Variants in CSMD1 observed in about 807,000 individuals in gnomAD.
CSMD1 encodes CUB and Sushi multiple domains 1, also known as CUB and sushi domain-containing protein 1.
A neutral mutation model predicts 417.5 loss-of-function variants in CSMD1; 213 were observed. That is an observed-to-expected ratio of 0.51 (90% CI 0.46 to 0.57). The LOEUF (loss-of-function observed/expected upper bound fraction) is 0.57, where lower values mean the gene tolerates loss of function less well. Among genes scored for constraint, CSMD1 ranks in the 20% least tolerant of loss-of-function variants. The pLI is 0.00. For missense variants in CSMD1, 6,923 were observed against 4,529.7 expected (o/e 1.53, Z -15.17); for synonymous variants, 2,862 against 1,736.8 (o/e 1.65, Z -16.11).
chr8:3,647,980 G>C (rs765839169), intron 7 of CSMD1, among the ~76,000 whole-genome samples: 4 of 152,234 alleles, frequency 2.6e-5, no homozygotes, highest in Admixed American at 1.3e-4. Context: ...GTAAACAGCA[G>C]GATTTTTCGA....
At chr8:4,734,445 G>A (rs1212981000) in intron 1 of CSMD1, among the ~76,000 whole-genome samples, 3 of 152,006 alleles carry the variant, frequency 2.0e-5, no homozygotes, top group African/African-American at 7.2e-5. Context: ...AAGTTGAATA[G>A]GAATTCTGTG....
chr8:3,106,834 A>G (rs141498848), intron 45 of CSMD1, 193 bp from the exon 46 acceptor site: 7 of 463,852 alleles, frequency 1.5e-5, no homozygotes, highest in African/African-American at 1.4e-4. Flanking sequence ...TGCTCTATTA[A>G]GCTTAGCCGA....
At chr8:3,287,792 A>G (rs531785465) in intron 25 of CSMD1, among the ~76,000 whole-genome samples, 2 of 151,944 alleles carry the variant, frequency 1.3e-5, no homozygotes, top group Admixed American at 1.3e-4. Context: ...AATACTCTTT[A>G]TTTCCTCCAG....
chr8:4,752,396 T>C (rs986395142), intron 1 of CSMD1, among the ~76,000 whole-genome samples: 3 of 152,198 alleles, frequency 2.0e-5, no homozygotes, highest in African/African-American at 7.2e-5. Flanking sequence ...TGAATTTCTG[T>C]AAGGTCATAG....
chr8:3,186,643 G>T (rs1048074574), intron 36 of CSMD1, among the ~76,000 whole-genome samples: 1 of 152,074 alleles, frequency 6.6e-6, no homozygotes, highest in Non-Finnish European at 1.5e-5. Context: ...AGTAAAAGTA[G>T]AACGGAAATA....
chr8:4,076,808 C>G (rs1433655189), intron 3 of CSMD1, among the ~76,000 whole-genome samples: 2 of 152,166 alleles, frequency 1.3e-5, no homozygotes, highest in East Asian at 3.9e-4. Flanking sequence ...CACCATCACG[C>G]AAGGCCAGCC....
At chr8:4,164,398 G>A (rs185411482) in intron 3 of CSMD1, among the ~76,000 whole-genome samples, 1 of 152,114 alleles carries the variant, frequency 6.6e-6, no homozygotes, top group African/African-American at 2.4e-5. Context: ...ACACATTCAG[G>A]TAAGTGATGC....
intron 7 of CSMD1, among the ~76,000 whole-genome samples, chr8:3,661,794 G>T (rs1798432990): frequency 6.6e-6 from 1 of 152,110 alleles, no homozygotes. Context: ...ACCATGACCG[G>T]CAAACTCCTT....
At chr8:3,640,751 C>T (rs905273083) in intron 7 of CSMD1, among the ~76,000 whole-genome samples, 3 of 152,124 alleles carry the variant, frequency 2.0e-5, no homozygotes, top group African/African-American at 7.2e-5. Context: ...ATTCATTGTA[C>T]AGGAAGTGAG....
At chr8:4,887,075 A>C (rs1803795265) in intron 1 of CSMD1, among the ~76,000 whole-genome samples, 1 of 151,978 alleles carries the variant, frequency 6.6e-6, no homozygotes, top group Admixed American at 6.6e-5. Flanking sequence ...TAGGATATTA[A>C]TTGGAGATTT....
chr8:3,606,192 G>T (rs901960756), intron 8 of CSMD1, among the ~76,000 whole-genome samples: 2 of 152,158 alleles, frequency 1.3e-5, no homozygotes, highest in Non-Finnish European at 2.9e-5. Context: ...GACAGAGATG[G>T]GCCAAGGTGC....
At chr8:4,545,797 G>C (rs1797602932) in intron 2 of CSMD1, among the ~76,000 whole-genome samples, 1 of 152,156 alleles carries the variant, frequency 6.6e-6, no homozygotes, top group Non-Finnish European at 1.5e-5. Flanking sequence ...AAAATCCATT[G>C]CAGAGCAAAC....
At chr8:3,730,852 G>A (rs1802804082) in intron 6 of CSMD1, among the ~76,000 whole-genome samples, 1 of 152,184 alleles carries the variant, frequency 6.6e-6, no homozygotes, top group African/African-American at 2.4e-5. Flanking sequence ...AGGAAATTAT[G>A]CTAGAGGTGA....
chr8:4,103,463 T>G (rs12543779), intron 3 of CSMD1, among the ~76,000 whole-genome samples: 81,488 of 150,028 alleles, frequency 0.54, 22,262 homozygotes, highest in Non-Finnish European at 0.56. Flanking sequence ...ATCCACATGA[T>G]TATTTTAAAA....
At chr8:3,859,054 T>G (rs987481672) in intron 5 of CSMD1, among the ~76,000 whole-genome samples, 1 of 152,192 alleles carries the variant, frequency 6.6e-6, no homozygotes, top group Non-Finnish European at 1.5e-5. Context: ...AAATTTTACA[T>G]TATTCATGTG....
At chr8:4,144,021 A>G (rs1007571616) in intron 3 of CSMD1, among the ~76,000 whole-genome samples, 1 of 151,318 alleles carries the variant, frequency 6.6e-6, no homozygotes, top group Non-Finnish European at 1.5e-5. Context: ...GGAGGGCTAT[A>G]GAGAAAGCAG....
chr8:3,335,082 G>T (rs1807166955), intron 23 of CSMD1, among the ~76,000 whole-genome samples: 1 of 152,174 alleles, frequency 6.6e-6, no homozygotes, highest in African/African-American at 2.4e-5. Flanking sequence ...TATGACTCAT[G>T]AAACCGAGAG....
At chr8:3,899,460 G>A (rs1346510692) in intron 5 of CSMD1, among the ~76,000 whole-genome samples, 2 of 152,160 alleles carry the variant, frequency 1.3e-5, no homozygotes, top group Admixed American at 6.5e-5. Context: ...GGGTGGTATT[G>A]ATCCAACCGC....
chr8:3,161,102 C>T (rs1002234613), intron 38 of CSMD1, among the ~76,000 whole-genome samples: 1 of 152,128 alleles, frequency 6.6e-6, no homozygotes, highest in South Asian at 2.1e-4. Context: ...GAATGTCAAT[C>T]GACCTATATA....
Sources: allele counts gnomAD v4.1 joint callset (sites outside exome capture counted in the v4.1 genomes callset), GRCh38; gene constraint gnomAD v4.1.1; transcripts MANE v1.5; gene names NCBI Gene and HGNC (gene_info 2026-07-23, HGNC 2026-07-21).